The following OTOF variants were observed in gnomAD, a reference collection of about 807,000 sequenced individuals.
The protein encoded by OTOF is otoferlin.
In OTOF, 218 loss-of-function variants were observed where a neutral mutation model predicts 236.8. The ratio of observed to expected loss-of-function variants is 0.92; its 90% CI spans 0.82 to 1.03. The LOEUF is 1.03. Ranked by LOEUF, OTOF falls within the 50% of genes least tolerant of loss-of-function variation. The pLI, the probability that OTOF is intolerant of heterozygous loss-of-function variation, is 0.00. For synonymous variants in OTOF, 1,041 were observed against 1,072.5 expected, an observed-to-expected ratio of 0.97 and a Z score of 0.57; for missense variants, 2,590 against 2,694.4, an observed-to-expected ratio of 0.96 and a Z score of 0.86.
At chr2:26,557,434 G>T (rs1020344324) in intron 1 of OTOF, among the ~76,000 whole-genome samples, 1 of 152,164 alleles carries the variant, frequency 6.6e-6, no homozygotes, top group African/African-American at 2.4e-5. Flanking sequence ...GAAGGACAGA[G>T]TCAGCCTGGC....
chr2:26,471,948 C>T (rs920108122), intron 30 of OTOF, among the ~76,000 whole-genome samples: 2 of 151,928 alleles, frequency 1.3e-5, no homozygotes, highest in Admixed American at 6.6e-5. Flanking sequence ...CATGCATGCA[C>T]ACTGCACACA....
chr2:26,542,075 ATCT>A (rs1667223548), intron 1 of OTOF, among the ~76,000 whole-genome samples: 1 of 152,234 alleles, frequency 6.6e-6, no homozygotes, highest in Admixed American at 6.5e-5. Context: ...CACACGACAG[ATCT>A]TCTCCAAATG....
intron 5 of OTOF, among the ~76,000 whole-genome samples, chr2:26,508,058 G>C (rs1666293476): frequency 1.3e-5 from 2 of 152,152 alleles, no homozygotes; most frequent in Admixed American, 1.3e-4. Flanking sequence ...GGATTATTCT[G>C]AAAGCTAATA....
chr2:26,529,187 C>T (rs1666881255), intron 2 of OTOF, among the ~76,000 whole-genome samples: 1 of 152,172 alleles, frequency 6.6e-6, no homozygotes, highest in Non-Finnish European at 1.5e-5. Context: ...GAGTAGGAAG[C>T]CCTTCTGGAC....
chr2:26,553,815 C>G (rs984254948), intron 1 of OTOF, among the ~76,000 whole-genome samples: 4 of 152,174 alleles, frequency 2.6e-5, no homozygotes, highest in African/African-American at 7.2e-5. Context: ...CCCTAACTGA[C>G]TCTGGCTTAC....
At chr2:26,463,240 T>C (rs1293624762) in intron 41 of OTOF, among the ~76,000 whole-genome samples, 2 of 152,188 alleles carry the variant, frequency 1.3e-5, no homozygotes, top group Non-Finnish European at 2.9e-5. Flanking sequence ...TCTCGCTCAC[T>C]GATGCAGGGT....
chr2:26,519,737 C>A (rs1253554787), intron 3 of OTOF, among the ~76,000 whole-genome samples: 4 of 152,174 alleles, frequency 2.6e-5, no homozygotes, highest in Non-Finnish European at 5.9e-5. Flanking sequence ...GCTTCCTGGG[C>A]AACTTCCTTA....
At chr2:26,494,068 C>G (rs191710811) in intron 9 of OTOF, among the ~76,000 whole-genome samples, 123 of 152,326 alleles carry the variant, frequency 8.1e-4, no homozygotes, top group Non-Finnish European at 1.3e-3. Flanking sequence ...GCCTGGGAAC[C>G]AAGGTGCCAT....
chr2:26,544,492 A>T (rs1261474209), intron 1 of OTOF, among the ~76,000 whole-genome samples: 1 of 152,146 alleles, frequency 6.6e-6, no homozygotes, highest in African/African-American at 2.4e-5. Flanking sequence ...TGATTCATCC[A>T]TGTTGTTGCA....
At chr2:26,467,606 G>T in intron 33 of OTOF, 105 bp from the exon 34 acceptor site, 1 of 1,313,748 alleles carries the variant, frequency 7.6e-7, no homozygotes, top group Non-Finnish European at 1.1e-6. Flanking sequence ...CTTAACTCTC[G>T]GATGTCCATG....
rs1432369902 is a variant in OTOF at position 26,462,611 on chromosome 2, A to C, written c.5193-430T>G. 1.3e-5 allele frequency among the ~76,000 whole-genome samples: 2 copies of C among 152,216 alleles called. No individual in the cohort carries two copies. The highest frequency in any genetic ancestry group is 4.8e-5 in the African/African-American group (2 of 41,448). ...TCATTCACTAAAAATTGATCTGAGC[A>C]TGGCTCTCCTGGGATTGCAGACAGG... On this transcript the variant is annotated intron_variant, in intron 41 of 46. Transcript: ENST00000272371. This position sits in a 1 kb window ranked among gnomAD's most constrained non-coding sequence, Gnocchi z 4.7.
Position 26,476,206 on chromosome 2 carries a change from G to A in OTOF, c.2788C>T (p.Pro930Ser), listed in dbSNP as rs746541787. 2 of 1,610,200 alleles carry A rather than the reference G, an allele frequency of 1.2e-6. No homozygotes were observed. Among genetic ancestry groups the A allele is most frequent in the South Asian group, 1.1e-5 (1 of 91,076 alleles). Residue 930 changes from proline (P) to serine (S), a missense_variant, in exon 23 of 47, where the codon CCC (proline) becomes TCC (serine). This residue lies in a region of OTOF where 1,379 missense variants were observed against 1,341.6 expected (regional missense o/e 1.03). Transcript: ENST00000272371. ...GCCTTGACCTCCTGGAAGCCACAGG[G>A]CAGGCCGCACAGGAACTCCTTGCGC... Reference protein sequence around the residue: ...KQRKEFLCGLPCGFQEVKAAQ... With the variant: ...KQRKEFLCGLSCGFQEVKAAQ...
rs762660468 is a variant in OTOF, at chr2:26,462,082, C to A, written c.5291+1G>T. 1 of 1,611,296 alleles carries A rather than the reference C, an allele frequency of 6.2e-7. No homozygotes were observed. Among genetic ancestry groups the A allele is most frequent in the Non-Finnish European group, 8.5e-7 (1 of 1,177,722 alleles). On this transcript the variant is annotated splice_donor_variant, in intron 42 of 46. Coordinates refer to ENST00000272371, the MANE Select transcript of OTOF (RefSeq NM_194248.3). LOFTEE classifies it high-confidence loss of function. The surrounding 1 kb of genome is among the most constrained non-coding windows in gnomAD (Gnocchi z 4.7). The stretch of plus-strand genomic sequence containing the variant: ...CTCCCATGCAGGGACTGCTCACCCA[C>A]CCCCTCACGAAGATGTCACTGGACT...
chr2:26,540,435 G>A (rs999231703), intron 1 of OTOF, among the ~76,000 whole-genome samples: 1 of 152,188 alleles, frequency 6.6e-6, no homozygotes, highest in African/African-American at 2.4e-5. Context: ...AGGTACTGGA[G>A]GGGTCAGAGC....
At position 26,537,760 on chromosome 2, in the gene OTOF, A is replaced by C; in HGVS notation, c.94T>G (p.Ser32Ala). Reference sequence around the variant, plus strand: ...TCCTCACAGTTCTCCAGGACCCGAGAGTAGAAGGATTGCCCTGTGGGGAAA... The same window carrying C: ...TCCTCACAGTTCTCCAGGACCCGAGCGTAGAAGGATTGCCCTGTGGGGAAA... ...KVTFRGQSFY[S>A]RVLENCEDVA... is the part of the protein sequence containing the mutation. Residue 32 changes from serine (S) to alanine (A), a missense_variant, in exon 2 of 47, where the codon TCT (serine) becomes GCT (alanine). Physicochemically the swap from Ser to Ala is moderately conservative, Grantham distance 99. Transcript: ENST00000272371. The C allele has an allele frequency of 6.4e-7, 1 of 1,554,422 alleles. No homozygotes were observed. Among genetic ancestry groups the C allele is most frequent in the Non-Finnish European group, 8.7e-7 (1 of 1,148,156 alleles).
intron 1 of OTOF, among the ~76,000 whole-genome samples, chr2:26,541,500 C>T (rs1667211737): frequency 6.6e-6 from 1 of 152,138 alleles, no homozygotes; most frequent in South Asian, 2.1e-4. Flanking sequence ...ATTAAGAAAA[C>T]AAAATGTCCT....
At chr2:26,517,178 C>T (rs970519311) in intron 4 of OTOF, among the ~76,000 whole-genome samples, 22 of 152,274 alleles carry the variant, frequency 1.4e-4, no homozygotes, top group African/African-American at 4.8e-4. Context: ...AGCACTCAAC[C>T]GGGCTCAGGC....
chr2:26,495,058 T>A lies in OTOF; in HGVS notation c.781A>T (p.Ile261Phe). Residue 261 changes from isoleucine to phenylalanine, a missense_variant, in exon 9 of 47, where the codon ATC becomes TTC. Ile to Phe is a conservative substitution (Grantham distance 21). This residue lies in a region of OTOF where 1,379 missense variants were observed against 1,341.6 expected (regional missense o/e 1.03). Transcript: ENST00000272371. ...AAGCCCACCAGCTGCCGGGCCTCGATCACCGTGATGCTGACCTGCAGGCAG... is the reference window on the plus strand; with the variant it reads ...AAGCCCACCAGCTGCCGGGCCTCGAACACCGTGATGCTGACCTGCAGGCAG... Reference protein sequence around the residue: ...PMDYQVSITVIEARQLVGLNM... With the variant: ...PMDYQVSITVFEARQLVGLNM... 6.2e-7 allele frequency: 1 copy of A among 1,614,110 alleles called. No homozygotes were observed. The highest frequency in any genetic ancestry group is 8.5e-7 in the Non-Finnish European group (1 of 1,180,004).
Position 26,465,846 on chromosome 2 carries a change from G to A in OTOF, c.4629-4C>T. The A allele has an allele frequency of 1.2e-6, 2 of 1,614,258 alleles. No homozygotes were observed. Among genetic ancestry groups the A allele is most frequent in the Non-Finnish European group, 1.7e-6 (2 of 1,180,040 alleles). ...GGAGGCCTCGATGTCAAAGGACCTG[G>A]TGGGGTGGAGTTAGGAGAAGGGCTT... On this transcript the variant is annotated splice_region_variant and splice_polypyrimidine_tract_variant and intron_variant, in intron 37 of 46. Coordinates refer to ENST00000272371, the MANE Select transcript of OTOF (RefSeq NM_194248.3).
Sources: allele counts gnomAD v4.1 joint callset (sites outside exome capture counted in the v4.1 genomes callset), GRCh38; gene constraint gnomAD v4.1.1; regional missense constraint gnomAD v4.1.1; non-coding constraint Gnocchi (gnomAD v3.1); transcripts MANE v1.5; gene names NCBI Gene and HGNC (gene_info 2026-07-23, HGNC 2026-07-21).